The following FRMD3 variants were observed in gnomAD, a reference collection of about 807,000 sequenced individuals.
The protein encoded by FRMD3 is FERM domain containing 3.
Under a neutral mutation model 70.2 loss-of-function variants are expected in FRMD3, and 33 were observed. The ratio of observed to expected loss-of-function variants is 0.47; its 90% CI spans 0.36 to 0.63. The LOEUF (loss-of-function observed/expected upper bound fraction) is 0.63, where lower values mean the gene tolerates loss of function less well. Ranked by LOEUF, FRMD3 falls within the 20% of genes least tolerant of loss-of-function variation. The probability of loss-of-function intolerance (pLI) is 0.00; values close to 1 mark genes in which losing one functional copy is unlikely to be tolerated. For missense variants in FRMD3, 632 were observed against 711.4 expected (o/e 0.89, Z 1.27); for synonymous variants, 279 against 255.9 (o/e 1.09, Z -0.86).
chr9:83,378,967 A>G lies in FRMD3; in HGVS notation c.253-6012T>C, dbSNP rs914613116. The stretch of plus-strand genomic sequence containing the variant: ...GGTCTCAAACTCCTGACCTCAAGTG[A>G]TCCACCTGCCTCAGCCTCTCAAAGT... On this transcript the variant is annotated intron_variant, in intron 2 of 13. Coordinates refer to ENST00000304195, the MANE Select transcript of FRMD3 (RefSeq NM_174938.6). 2.0e-5 allele frequency among the ~76,000 whole-genome samples: 3 copies of G among 150,144 alleles called. No individual in the cohort carries two copies. In the East Asian group the frequency reaches 5.8e-4, roughly 29 times the overall value.
rs142257538 is a variant in FRMD3 at position 83,311,955 on chromosome 9, T to C, written c.705A>G (p.Thr235=). 1.7e-5 allele frequency: 27 copies of C among 1,605,754 alleles called. No homozygotes were observed. The highest frequency in any genetic ancestry group is 4.1e-5 in the African/African-American group (3 of 73,474). The change falls in exon 8 of 14, where the codon ACA becomes ACG. Residue 235 remains threonine, a synonymous_variant. Transcript: ENST00000304195. ...HPCKDSTGTT[T]FLGFTAAGFV... ...AGCCTGCAGCTGTGAATCCTAAAAATGTTGTTGTGCCTGTTGAATCCTGAA... is the reference window on the plus strand; with the variant it reads ...AGCCTGCAGCTGTGAATCCTAAAAACGTTGTTGTGCCTGTTGAATCCTGAA...
intron 3 of FRMD3, among the ~76,000 whole-genome samples, chr9:83,353,132 G>A (rs1587760305): frequency 6.6e-6 from 1 of 151,760 alleles, no homozygotes; most frequent in Admixed American, 6.6e-5. Flanking sequence ...CAACATCATT[G>A]ACCCCATGTC....
At chr9:83,533,053 A>G (rs1829821331) in intron 1 of FRMD3, among the ~76,000 whole-genome samples, 2 of 152,168 alleles carry the variant, frequency 1.3e-5, no homozygotes, top group Admixed American at 1.3e-4. Flanking sequence ...AGCTAAGATA[A>G]TAAGTGTCCT....
rs557303477 is a variant in FRMD3, at chr9:83,419,629, G to A, written c.148-29921C>T. On this transcript the variant is annotated intron_variant, in intron 1 of 13. Coordinates refer to ENST00000304195, the MANE Select transcript of FRMD3 (RefSeq NM_174938.6). ...GTGTGATATGTGTGTGTTCATGTGC[G>A]TTGAATGTGTGTGATATGTGTTCAT... Among the ~76,000 whole-genome samples, 98 of 151,820 alleles carry A rather than the reference G, an allele frequency of 6.5e-4. 2 individuals are homozygous for A. The South Asian group carries it at 0.018, about 28-fold the overall frequency.
At chr9:83,410,560 G>A (rs1292271648) in intron 1 of FRMD3, among the ~76,000 whole-genome samples, 3 of 152,168 alleles carry the variant, frequency 2.0e-5, no homozygotes, top group Non-Finnish European at 4.4e-5. Flanking sequence ...ATGGTCACCT[G>A]GGTTGATTCC....
intron 13 of FRMD3, among the ~76,000 whole-genome samples, chr9:83,260,413 T>C (rs1187417004): frequency 6.6e-6 from 1 of 152,076 alleles, no homozygotes; most frequent in Non-Finnish European, 1.5e-5. Flanking sequence ...GACTCTCACT[T>C]CTTAACTAAG....
chr9:83,309,179 G>T (rs578224498), intron 10 of FRMD3, among the ~76,000 whole-genome samples: 24 of 151,860 alleles, frequency 1.6e-4, no homozygotes, highest in African/African-American at 5.3e-4. Context: ...CTATCTCAAG[G>T]TCTGCTTTGT....
intron 13 of FRMD3, among the ~76,000 whole-genome samples, chr9:83,253,693 G>T (rs551321233): frequency 9.8e-5 from 15 of 152,286 alleles, no homozygotes; most frequent in Non-Finnish European, 1.9e-4. Context: ...CAACCATTGT[G>T]GAAGACAGTG....
At chr9:83,341,314 T>A (rs1401906282) in intron 5 of FRMD3, among the ~76,000 whole-genome samples, 1 of 152,128 alleles carries the variant, frequency 6.6e-6, no homozygotes, top group East Asian at 1.9e-4. Flanking sequence ...TCAGTAATAA[T>A]AGCAATGAGG....
intron 3 of FRMD3, among the ~76,000 whole-genome samples, chr9:83,357,292 TATATAA>T (rs1390471337): frequency 1.2e-4 from 10 of 83,306 alleles, no homozygotes; most frequent in South Asian, 7.7e-4. Flanking sequence ...TATATATATA[TATATAA>T]AACATTTTCT....
intron 1 of FRMD3, among the ~76,000 whole-genome samples, chr9:83,499,315 G>A (rs1001472804): frequency 1.3e-5 from 2 of 152,194 alleles, no homozygotes; most frequent in South Asian, 2.1e-4. Flanking sequence ...CGGAGGAGCT[G>A]TGAAGGAGAG....
chr9:83,520,138 A>G (rs1829539478), intron 1 of FRMD3, among the ~76,000 whole-genome samples: 1 of 152,208 alleles, frequency 6.6e-6, no homozygotes, highest in African/African-American at 2.4e-5. Flanking sequence ...AACTTAAAGT[A>G]TAATTTAAAA....
intron 13 of FRMD3, among the ~76,000 whole-genome samples, chr9:83,266,181 A>G (rs983146147): frequency 6.6e-6 from 1 of 152,200 alleles, no homozygotes; most frequent in Non-Finnish European, 1.5e-5. Flanking sequence ...TTCATAGATC[A>G]ACTATTGGGA....
chr9:83,578,133 A>T, the FRMD3 span, among the ~76,000 whole-genome samples: 2 of 146,996 alleles, frequency 1.4e-5, no homozygotes, highest in African/African-American at 2.6e-5. Context: ...ATGAAGAAAT[A>T]AAAAAAAAAT....
intron 12 of FRMD3, among the ~76,000 whole-genome samples, chr9:83,292,600 C>A (rs1184854813): frequency 6.6e-6 from 1 of 152,140 alleles, no homozygotes; most frequent in South Asian, 2.1e-4. Flanking sequence ...TTTTAAGTCC[C>A]AGTCTTGATC....
Position 83,414,468 on chromosome 9 carries a change from G to GA in FRMD3, c.148-24761dup, listed in dbSNP as rs546420160. Among the ~76,000 whole-genome samples the GA allele has an allele frequency of 1.1e-3, 165 of 151,682 alleles. 1 individual carries two copies. Among genetic ancestry groups the GA allele is most frequent in the African/African-American group, 3.7e-3 (155 of 41,368 alleles). ...AACACAGAAAGCACTAACTATATAA[G>GA]AAAAAAAATGATAAAATGGACTTAA... On this transcript the variant is annotated intron_variant, in intron 1 of 13. Transcript: ENST00000304195.
At chr9:83,468,980 A>T (rs1828201738) in intron 1 of FRMD3, among the ~76,000 whole-genome samples, 1 of 152,002 alleles carries the variant, frequency 6.6e-6, no homozygotes, top group African/African-American at 2.4e-5. Flanking sequence ...GTATCCAAAC[A>T]CTCCAGTCAG....
At chr9:83,471,062 T>C (rs1262968736) in intron 1 of FRMD3, among the ~76,000 whole-genome samples, 2 of 152,222 alleles carry the variant, frequency 1.3e-5, no homozygotes, top group Admixed American at 1.3e-4. Context: ...CTCTGTCTCA[T>C]AAAACTCCAG....
At chr9:83,371,321 C>CT (rs5898826) in intron 3 of FRMD3, among the ~76,000 whole-genome samples, 14 of 148,460 alleles carry the variant, frequency 9.4e-5, no homozygotes, top group South Asian at 8.6e-4. Flanking sequence ...TGTCTTATTA[C>CT]TTTTTTTTTT....
Sources: gnomAD v4.1 joint callset for allele counts (sites outside exome capture counted in the v4.1 genomes callset) on GRCh38, gnomAD v4.1.1 for gene constraint, MANE v1.5 for transcripts, NCBI Gene and HGNC (gene_info 2026-07-23, HGNC 2026-07-21) for gene names.